GNA12: variants seen among roughly 807,000 people sequenced by gnomAD.
GNA12 encodes the protein guanine nucleotide-binding protein subunit alpha-12.
Under a neutral mutation model 26.0 loss-of-function variants are expected in GNA12, and 9 were observed. The ratio of observed to expected loss-of-function variants is 0.35; its 90% CI spans 0.21 to 0.60. GNA12 has a LOEUF of 0.60. GNA12 is among the 20% of genes least tolerant of loss of function. The pLI, the probability that GNA12 is intolerant of heterozygous loss-of-function variation, is 0.78. For synonymous variants in GNA12, 264 were observed against 219.6 expected, an observed-to-expected ratio of 1.20 and a Z score of -1.79; for missense variants, 405 against 525.8, an observed-to-expected ratio of 0.77 and a Z score of 2.25.
At chr7:2,773,485 C>G (rs1199543949) in intron 2 of GNA12, among the ~76,000 whole-genome samples, 1 of 152,138 alleles carries the variant, frequency 6.6e-6, no homozygotes, top group Non-Finnish European at 1.5e-5. Context: ...TTGCTTGAAC[C>G]CGGGAGGCAG....
At chr7:2,740,056 G>A (rs1033074730) in intron 2 of GNA12, among the ~76,000 whole-genome samples, 1 of 152,144 alleles carries the variant, frequency 6.6e-6, no homozygotes, top group African/African-American at 2.4e-5. Context: ...ATTCCCATGG[G>A]CCATGTACAA....
intron 1 of GNA12, among the ~76,000 whole-genome samples, chr7:2,818,482 G>A (rs541824026): frequency 6.6e-6 from 1 of 151,418 alleles, no homozygotes; most frequent in African/African-American, 2.5e-5. Context: ...AGAACAGGAA[G>A]CCTGGTGCGG....
intron 2 of GNA12, chr7:2,762,605 A>G (rs1791614278): frequency 6.5e-7 from 1 of 1,528,970 alleles, no homozygotes; most frequent in Non-Finnish European, 8.8e-7. Flanking sequence ...AAAAAGGACA[A>G]TCCCCTTCCG....
intron 2 of GNA12, among the ~76,000 whole-genome samples, chr7:2,764,252 T>TC (rs1428773775): frequency 6.6e-6 from 1 of 151,802 alleles, no homozygotes; most frequent in East Asian, 1.9e-4. Context: ...TTCTTTTTTT[T>TC]TTTTTTTTTT....
intron 2 of GNA12, among the ~76,000 whole-genome samples, chr7:2,736,402 G>A (rs981088058): frequency 5.9e-5 from 9 of 151,586 alleles, no homozygotes; most frequent in Admixed American, 6.6e-5. Context: ...TCATTAGGCT[G>A]GGGCCAGCGG....
chr7:2,742,435 G>C (rs1394417740), intron 2 of GNA12, among the ~76,000 whole-genome samples: 1 of 152,098 alleles, frequency 6.6e-6, no homozygotes, highest in Non-Finnish European at 1.5e-5. Context: ...CTCCATGCTT[G>C]CTGGTCTGTG....
intron 2 of GNA12, among the ~76,000 whole-genome samples, chr7:2,743,672 T>C (rs798511): frequency 0.24 from 35,915 of 151,970 alleles, 4,878 homozygotes; most frequent in Non-Finnish European, 0.29. Context: ...CTCACTGGGG[T>C]GTGCCAGACA....
chr7:2,761,110 C>G (rs985871124), intron 2 of GNA12, among the ~76,000 whole-genome samples: 4 of 152,246 alleles, frequency 2.6e-5, no homozygotes, highest in African/African-American at 4.8e-5. Context: ...ACGTCTGGCT[C>G]TCGGCTGTGG....
At chr7:2,797,524 A>T (rs1792706871) in intron 1 of GNA12, among the ~76,000 whole-genome samples, 1 of 151,854 alleles carries the variant, frequency 6.6e-6, no homozygotes, top group Admixed American at 6.6e-5. Context: ...TTTGAAGTGT[A>T]CAACTTAATG....
intron 2 of GNA12, among the ~76,000 whole-genome samples, chr7:2,766,384 C>T (rs945944267): frequency 4.9e-5 from 7 of 142,414 alleles, no homozygotes; most frequent in African/African-American, 1.5e-4. Flanking sequence ...GGGTTGCTTC[C>T]GCCTTTTTTT....
intron 2 of GNA12, among the ~76,000 whole-genome samples, chr7:2,765,615 GTTT>G (rs555000709): frequency 1.4e-5 from 2 of 145,894 alleles, no homozygotes; most frequent in South Asian, 2.2e-4. Flanking sequence ...TCCTGTGTTT[GTTT>G]TTTTTTTTCT....
chr7:2,817,704 T>G (rs902311449), intron 1 of GNA12, among the ~76,000 whole-genome samples: 2 of 152,234 alleles, frequency 1.3e-5, no homozygotes, highest in East Asian at 3.8e-4. Flanking sequence ...AATGAATGAA[T>G]GCAGCTGATC....
At chr7:2,744,834 G>T (rs1216233795) in intron 2 of GNA12, among the ~76,000 whole-genome samples, 1 of 152,208 alleles carries the variant, frequency 6.6e-6, no homozygotes, top group African/African-American at 2.4e-5. Flanking sequence ...AGGACCTGAT[G>T]GAGCTGAAAA....
chr7:2,774,510 G>A (rs1337006561), intron 2 of GNA12, among the ~76,000 whole-genome samples: 3 of 152,194 alleles, frequency 2.0e-5, no homozygotes, highest in African/African-American at 7.2e-5. Context: ...TGTGCAGGGA[G>A]CAGCAGGAAG....
chr7:2,826,783 G>C (rs938569928), intron 1 of GNA12, among the ~76,000 whole-genome samples: 1 of 152,184 alleles, frequency 6.6e-6, no homozygotes, highest in Non-Finnish European at 1.5e-5. Flanking sequence ...GGGTTGAGGG[G>C]AGACAGGGAA....
chr7:2,772,627 T>TA (rs1426644608), intron 2 of GNA12, among the ~76,000 whole-genome samples: 3 of 150,800 alleles, frequency 2.0e-5, no homozygotes, highest in African/African-American at 4.9e-5. Context: ...AAATGCAAAG[T>TA]AAAACATCAA....
At chr7:2,811,880 C>G (rs1047382565) in intron 1 of GNA12, among the ~76,000 whole-genome samples, 4 of 152,216 alleles carry the variant, frequency 2.6e-5, no homozygotes, top group African/African-American at 9.6e-5. Context: ...AAAAGCCCCT[C>G]CCTTAAGAGC....
At chr7:2,780,885 C>A (rs895301316) in intron 2 of GNA12, among the ~76,000 whole-genome samples, 1 of 152,200 alleles carries the variant, frequency 6.6e-6, no homozygotes, top group Non-Finnish European at 1.5e-5. Context: ...GATTACTGAG[C>A]CACTGGAAAC....
intron 2 of GNA12, among the ~76,000 whole-genome samples, chr7:2,745,132 A>C (rs558584397): frequency 4.7e-4 from 72 of 152,364 alleles, no homozygotes; most frequent in African/African-American, 1.7e-3. Context: ...CAATCTAGCA[A>C]GGCAGGCCAA....
Sources: gnomAD v4.1 joint callset for allele counts (sites outside exome capture counted in the v4.1 genomes callset) on GRCh38, gnomAD v4.1.1 for gene constraint, MANE v1.5 for transcripts, NCBI Gene and HGNC (gene_info 2026-07-23, HGNC 2026-07-21) for gene names.